Variants in P2RX5 observed in about 807,000 individuals in gnomAD.
The protein encoded by P2RX5 is P2X purinoceptor 5.
A neutral mutation model predicts 54.1 loss-of-function variants in P2RX5; 46 were observed. That is an observed-to-expected ratio of 0.85 (90% CI 0.67 to 1.09). P2RX5 has a LOEUF of 1.09. Ranked by LOEUF, P2RX5 falls within the 50% of genes least tolerant of loss-of-function variation. P2RX5 has a pLI of 0.00. For synonymous variants in P2RX5, 226 were observed against 226.4 expected (o/e 1.00, Z 0.02); for missense variants, 566 against 549.8 (o/e 1.03, Z -0.29).
chr17:3,673,723 A>T lies in P2RX5; in HGVS notation c.*145T>A. 1.9e-6 allele frequency: 3 copies of T among 1,595,850 alleles called. No homozygotes were observed. Among genetic ancestry groups the T allele is most frequent in the Non-Finnish European group, 2.6e-6 (3 of 1,171,750 alleles). On this transcript the variant is annotated 3_prime_UTR_variant, in exon 12 of 12. Coordinates refer to ENST00000225328, the MANE Select transcript of P2RX5 (RefSeq NM_002561.4). ...GACGTGGAGGTCACTTTGCTCTGTGATGGCTGGTCCCTGTGATGTGGCATT... is the reference window on the plus strand; with the variant it reads ...GACGTGGAGGTCACTTTGCTCTGTGTTGGCTGGTCCCTGTGATGTGGCATT...
chr17:3,709,539 C>T, the P2RX5 span, among the ~76,000 whole-genome samples: 3 of 152,186 alleles, frequency 2.0e-5, no homozygotes, highest in Non-Finnish European at 4.4e-5. Context: ...GTCCCAGCTA[C>T]TGCAGATCAC....
At chr17:3,677,133 G>T in intron 11 of P2RX5, 1 of 985,416 alleles carries the variant, frequency 1.0e-6, no homozygotes, top group Non-Finnish European at 1.2e-6. Flanking sequence ...TGCGGTAGGT[G>T]GGTGTGGCCG....
chr17:3,689,673 G>C (rs2050546501), intron 6 of P2RX5, 43 bp from the exon 7 acceptor site: 1 of 1,613,218 alleles, frequency 6.2e-7, no homozygotes, highest in Non-Finnish European at 8.5e-7. Context: ...AGTAAGACTT[G>C]ATGTTTCCCG....
intron 10 of P2RX5, among the ~76,000 whole-genome samples, chr17:3,680,695 GTCCTCCACCCTGCA>G (rs1235724255): frequency 7.5e-5 from 4 of 53,284 alleles, no homozygotes; most frequent in African/African-American, 1.9e-4. Flanking sequence ...TCCATCCTGG[GTCCTCCACCCTGCA>G]TCCTCCACCC....
chr17:3,723,609 GA>G, the P2RX5 span: 1 of 1,422,480 alleles, frequency 7.0e-7, no homozygotes. Context: ...GGTAACCCAG[GA>G]AAAACAGTCT....
chr17:3,720,563 C>A, the P2RX5 span: 1 of 482,404 alleles, frequency 2.1e-6, no homozygotes, highest in Non-Finnish European at 3.7e-6. Flanking sequence ...AACAAGACAT[C>A]TGCAGTTATT....
chr17:3,715,689 C>T, the P2RX5 span, among the ~76,000 whole-genome samples: 1 of 151,926 alleles, frequency 6.6e-6, no homozygotes, highest in African/African-American at 2.4e-5. Context: ...CTCATCTCCA[C>T]AAAATTAAAA....
At chr17:3,722,987 A>C in the P2RX5 span, among the ~76,000 whole-genome samples, 14 of 152,198 alleles carry the variant, frequency 9.2e-5, no homozygotes, top group Non-Finnish European at 2.1e-4. Flanking sequence ...GGAAATGGAG[A>C]GAAGTGAATG....
intron 11 of P2RX5, chr17:3,678,187 C>T (rs1209785929): frequency 8.3e-6 from 7 of 838,954 alleles, no homozygotes; most frequent in Non-Finnish European, 1.0e-5. Flanking sequence ...TGTCGGGAGC[C>T]GGTGGGTGGG....
At chr17:3,685,695 CAGGGACCCTCCCAA>C (rs1567734515) in intron 9 of P2RX5, 2 of 25,826 alleles carry the variant, frequency 7.7e-5, no homozygotes, top group Non-Finnish European at 2.0e-4. Context: ...GCGGGGCCCC[CAGGGACCCTCCCAA>C]CGTCCCCCTC....
intron 9 of P2RX5, among the ~76,000 whole-genome samples, chr17:3,684,026 A>G (rs1233517381): frequency 1.3e-5 from 2 of 152,224 alleles, no homozygotes; most frequent in African/African-American, 4.8e-5. Context: ...ACCTGCCGGG[A>G]TGGGCACTGA....
upstream of P2RX5, among the ~76,000 whole-genome samples, chr17:3,699,094 C>T (rs4790534): frequency 2.9e-3 from 315 of 107,010 alleles, 4 homozygotes; most frequent in Non-Finnish European, 4.3e-3. Context: ...CACACACACA[C>T]CTATATATAT....
chr17:3,681,907 G>T lies in P2RX5; in HGVS notation c.1053C>A (p.Tyr351Ter). The T allele has an allele frequency of 6.2e-7, 1 of 1,612,444 alleles. No individual in the cohort carries two copies. Among genetic ancestry groups the T allele is most frequent in the Non-Finnish European group, 8.5e-7 (1 of 1,178,526 alleles). ...GAAGCGGAACTGACCTCACTTCCTCGTACTTCTTGTCACGGTAAAACTCTC... is the reference window on the plus strand; with the variant it reads ...GAAGCGGAACTGACCTCACTTCCTCTTACTTCTTGTCACGGTAAAACTCTC... ...KKREFYRDKK[Y>*]EEVRGLEDSS... The change falls in exon 10 of 12, where the codon TAC (tyrosine) becomes TAA (stop). Residue 351 changes from tyrosine (Y) to a stop codon, truncating the protein, a stop_gained. Coordinates refer to ENST00000225328, the MANE Select transcript of P2RX5 (RefSeq NM_002561.4). LOFTEE classifies it high-confidence loss of function.
At chr17:3,704,118 C>CAAAAA in the P2RX5 span, among the ~76,000 whole-genome samples, 32 of 151,850 alleles carry the variant, frequency 2.1e-4, no homozygotes, top group South Asian at 1.0e-3. Context: ...AACAAACAAA[C>CAAAAA]AAAACCCAAA....
At chr17:3,680,037 C>G (rs1476348329) in intron 10 of P2RX5, among the ~76,000 whole-genome samples, 6 of 150,316 alleles carry the variant, frequency 4.0e-5, no homozygotes, top group African/African-American at 7.4e-5. Flanking sequence ...CACCCAGCTC[C>G]CTCCACCCTA....
the P2RX5 span, among the ~76,000 whole-genome samples, chr17:3,712,018 T>A: frequency 2.6e-5 from 4 of 152,088 alleles, no homozygotes; most frequent in Admixed American, 1.3e-4. Flanking sequence ...ACAAACAGGC[T>A]TCCCAGTGAC....
chr17:3,701,951 G>A, the P2RX5 span, among the ~76,000 whole-genome samples: 3 of 151,596 alleles, frequency 2.0e-5, no homozygotes, highest in Admixed American at 6.6e-5. Flanking sequence ...TAATTTTTTC[G>A]TATTTTTAGT....
At chr17:3,706,479 C>T in the P2RX5 span, among the ~76,000 whole-genome samples, 1 of 152,190 alleles carries the variant, frequency 6.6e-6, no homozygotes, top group Non-Finnish European at 1.5e-5. Flanking sequence ...CACCAAGACT[C>T]CAGGTCTGTG....
the P2RX5 span, among the ~76,000 whole-genome samples, chr17:3,702,401 C>T: frequency 6.6e-6 from 1 of 152,182 alleles, no homozygotes; most frequent in African/African-American, 2.4e-5. Context: ...TAAAATGGAC[C>T]AGTCAGCAGG....
Sources: allele counts gnomAD v4.1 joint callset (sites outside exome capture counted in the v4.1 genomes callset), GRCh38; gene constraint gnomAD v4.1.1; transcripts MANE v1.5; gene names NCBI Gene and HGNC (gene_info 2026-07-23, HGNC 2026-07-21).